CA5B: variants seen among roughly 807,000 people sequenced by gnomAD.
CA5B encodes carbonic anhydrase 5B.
Under a neutral mutation model 23.1 loss-of-function variants are expected in CA5B, and 15 were observed. The ratio of observed to expected loss-of-function variants is 0.65; its 90% confidence interval spans 0.43 to 1.00. The LOEUF (loss-of-function observed/expected upper bound fraction) is 1.00. Ranked by LOEUF, CA5B falls within the 50% of genes least tolerant of loss-of-function variation. CA5B has a pLI of 0.00. For synonymous variants in CA5B, 84 were observed against 98.5 expected (o/e 0.85, Z 0.87); for missense variants, 236 against 252.2 (o/e 0.94, Z 0.43).
intron 2 of CA5B, among the ~76,000 whole-genome samples, chrX:15,761,257 A>G (rs1234274544): frequency 2.7e-5 from 3 of 111,491 alleles, no homozygotes; most frequent in Non-Finnish European, 3.8e-5. Context: ...TTGCATGGTG[A>G]TGAGGTTTGG....
At chrX:15,746,600 A>G (rs1569273557) in intron 1 of CA5B, among the ~76,000 whole-genome samples, 1 of 111,616 alleles carries the variant, frequency 9.0e-6, no homozygotes, top group Non-Finnish European at 1.9e-5. Context: ...ATGGAGAAAG[A>G]GTAATTCACA....
intron 6 of CA5B, chrX:15,775,571 C>T (rs1035828855): frequency 1.4e-5 from 12 of 854,851 alleles, no homozygotes; most frequent in Middle Eastern, 5.7e-4. Flanking sequence ...TTCCTGACAC[C>T]GGCTCCTTCT....
chrX:15,741,303 A>G (rs192896388), intron 1 of CA5B, among the ~76,000 whole-genome samples: 1 of 102,310 alleles, frequency 9.8e-6, no homozygotes, highest in Non-Finnish European at 2.0e-5. Flanking sequence ...CCTGCCATCA[A>G]GTGATCCACC....
At chrX:15,772,439 C>A in intron 3 of CA5B, 57 bp from the exon 4 acceptor site, 1 of 795,386 alleles carries the variant, frequency 1.3e-6, no homozygotes, top group Non-Finnish European at 1.9e-6. Context: ...GCCTTTCACC[C>A]ACATTCCTCC....
chrX:15,748,796 C>T (rs1931296134), intron 1 of CA5B, among the ~76,000 whole-genome samples: 1 of 103,741 alleles, frequency 9.6e-6, no homozygotes. Flanking sequence ...CACCTGTAAT[C>T]CCAGCACTTT....
At chrX:15,744,725 C>G (rs978880718) in intron 1 of CA5B, among the ~76,000 whole-genome samples, 3 of 111,210 alleles carry the variant, frequency 2.7e-5, no homozygotes, top group African/African-American at 9.8e-5. Context: ...GTTCCCCTGT[C>G]CATCCCTCTG....
At chrX:15,764,856 T>A in intron 3 of CA5B, 81 bp downstream of exon 3, 2 of 932,310 alleles carry the variant, frequency 2.1e-6, no homozygotes, top group Non-Finnish European at 2.9e-6. Flanking sequence ...ACTCTCTCCA[T>A]GATAGTATTG....
intron 7 of CA5B, among the ~76,000 whole-genome samples, chrX:15,781,436 A>T (rs186498668): frequency 4.5e-4 from 50 of 112,277 alleles, no homozygotes; most frequent in African/African-American, 1.3e-3. Flanking sequence ...GTAACCATTT[A>T]CATTTAAATA....
At chrX:15,763,183 G>GGGCGA (rs2147262281) in intron 2 of CA5B, 1 of 130,236 alleles carries the variant, frequency 7.7e-6, no homozygotes, top group African/African-American at 3.2e-5. Flanking sequence ...CAGTTATGTG[G>GGGCGA]GGCGAGCATC....
intron 6 of CA5B, chrX:15,775,872 C>A: frequency 1.3e-6 from 1 of 749,853 alleles, no homozygotes; most frequent in Non-Finnish European, 1.6e-6. Context: ...TCTGGAAGCC[C>A]GTATATTATC....
chrX:15,753,331 A>C (rs973891984), intron 2 of CA5B, among the ~76,000 whole-genome samples: 6 of 112,917 alleles, frequency 5.3e-5, no homozygotes, highest in African/African-American at 1.9e-4. Context: ...GTTGGTTGAA[A>C]AAGTTAAGCT....
chrX:15,742,739 C>T (rs867148516), intron 1 of CA5B, among the ~76,000 whole-genome samples: 8 of 112,540 alleles, frequency 7.1e-5, no homozygotes, highest in Non-Finnish European at 1.3e-4. Flanking sequence ...CTGCTCTGCT[C>T]GGAAACCTCC....
intron 3 of CA5B, 40 bp from the exon 4 acceptor site, chrX:15,772,456 C>A: frequency 1.0e-6 from 1 of 981,739 alleles, no homozygotes; most frequent in Non-Finnish European, 1.4e-6. Flanking sequence ...CTCCACTGCA[C>A]AAATAACTCT....
chrX:15,738,710 C>G (rs1181153706), intron 1 of CA5B, among the ~76,000 whole-genome samples: 1 of 111,289 alleles, frequency 9.0e-6, no homozygotes, highest in Non-Finnish European at 1.9e-5. Flanking sequence ...TTGGTTGAAT[C>G]CAAATAACTC....
At chrX:15,779,236 G>T (rs1404210605) in intron 7 of CA5B, among the ~76,000 whole-genome samples, 1 of 111,264 alleles carries the variant, frequency 9.0e-6, no homozygotes, top group Non-Finnish European at 1.9e-5. Flanking sequence ...GAAAGGAGAC[G>T]ATTGATGTTC....
intron 3 of CA5B, among the ~76,000 whole-genome samples, chrX:15,770,735 T>C (rs200143615): frequency 7.6e-5 from 5 of 65,431 alleles, no homozygotes; most frequent in Non-Finnish European, 1.1e-4. Flanking sequence ...CTCTCTCTCT[T>C]TCTTTCTTTC....
intron 2 of CA5B, among the ~76,000 whole-genome samples, chrX:15,753,438 A>G (rs1214664696): frequency 8.9e-6 from 1 of 112,088 alleles, no homozygotes; most frequent in Non-Finnish European, 1.9e-5. Flanking sequence ...GAAGCCTCCC[A>G]GTAGCAGGCT....
rs1015906945 is a variant in CA5B at position 15,784,570 on chromosome X, T to A, written c.*1906T>A. The A allele has an allele frequency of 8.9e-6, 1 of 112,351 alleles. No individual in the cohort carries two copies. Among genetic ancestry groups the A allele is most frequent in the African/African-American group, 3.2e-5 (1 of 30,876 alleles). The allele number at this position is 112,351 out of a possible 1,213,427, so 9.3% of individuals were successfully genotyped here. Reference sequence around the variant, plus strand: ...CTCTAAGCCTATGTTCAGACTCTGTTGCGTCAATGACTGGTAGTATTTCTT... The same window carrying A: ...CTCTAAGCCTATGTTCAGACTCTGTAGCGTCAATGACTGGTAGTATTTCTT... On this transcript the variant is annotated 3_prime_UTR_variant, in exon 8 of 8. Coordinates refer to ENST00000318636, the MANE Select transcript of CA5B (RefSeq NM_007220.4).
intron 3 of CA5B, among the ~76,000 whole-genome samples, chrX:15,768,229 G>A (rs768637082): frequency 9.1e-6 from 1 of 110,120 alleles, no homozygotes; most frequent in African/African-American, 3.3e-5. Flanking sequence ...GTAGAGATGG[G>A]GTTCCTGAGA....
Sources: allele counts gnomAD v4.1 joint callset (sites outside exome capture counted in the v4.1 genomes callset), GRCh38; gene constraint gnomAD v4.1.1; transcripts MANE v1.5; gene names NCBI Gene and HGNC (gene_info 2026-07-23, HGNC 2026-07-21).